Variants in LCMT1 observed in about 807,000 individuals in gnomAD.
LCMT1 encodes the protein leucine carboxyl methyltransferase 1.
In LCMT1, 32 loss-of-function variants were observed where a neutral mutation model predicts 47.7. The ratio of observed to expected loss-of-function variants is 0.67; its 90% CI spans 0.51 to 0.90. The LOEUF is 0.90. LCMT1 is among the 40% of genes least tolerant of loss of function. The pLI is 0.00. For synonymous variants in LCMT1, 152 were observed against 149.7 expected, an observed-to-expected ratio of 1.02 and a Z score of -0.11; for missense variants, 375 against 415.2, an observed-to-expected ratio of 0.90 and a Z score of 0.84.
chr16:25,170,304 C>T (rs1961717412), intron 8 of LCMT1, among the ~76,000 whole-genome samples: 1 of 152,122 alleles, frequency 6.6e-6, no homozygotes, highest in South Asian at 2.1e-4. Flanking sequence ...AACTGTCACT[C>T]ATAGAAAAGT....
chr16:25,152,082 A>G (rs1471070454), intron 5 of LCMT1, among the ~76,000 whole-genome samples: 1 of 152,168 alleles, frequency 6.6e-6, no homozygotes, highest in Admixed American at 6.5e-5. Context: ...GCCCTCTGAC[A>G]TCAAAAGGTG....
At chr16:25,114,830 C>T (rs1370134238) in intron 1 of LCMT1, among the ~76,000 whole-genome samples, 2 of 152,208 alleles carry the variant, frequency 1.3e-5, no homozygotes, top group African/African-American at 2.4e-5. Flanking sequence ...GTGTGTCTCC[C>T]GCGTCTCATT....
chr16:25,174,133 A>G (rs1961857188), intron 9 of LCMT1, among the ~76,000 whole-genome samples: 1 of 152,124 alleles, frequency 6.6e-6, no homozygotes, highest in Admixed American at 6.6e-5. Flanking sequence ...GCTGGTCTCG[A>G]ACTCCTGACC....
intron 3 of LCMT1, among the ~76,000 whole-genome samples, chr16:25,133,401 T>G (rs1960411261): frequency 1.5e-5 from 2 of 130,512 alleles, no homozygotes; most frequent in Non-Finnish European, 3.3e-5. Context: ...TTTTTTTTTT[T>G]TTTTTTTTTT....
At chr16:25,163,097 A>G (rs1424527087) in intron 6 of LCMT1, among the ~76,000 whole-genome samples, 1 of 152,228 alleles carries the variant, frequency 6.6e-6, no homozygotes, top group Non-Finnish European at 1.5e-5. Context: ...CGTGAGCCCA[A>G]GCGATCTAAC....
intron 8 of LCMT1, 55 bp downstream of exon 8, chr16:25,169,268 T>A: frequency 8.6e-7 from 1 of 1,165,248 alleles, no homozygotes; most frequent in Non-Finnish European, 1.3e-6. Context: ...CCAAGATATA[T>A]AAAGGTCTTT....
chr16:25,152,182 C>T (rs576961511), intron 5 of LCMT1, among the ~76,000 whole-genome samples: 37 of 152,220 alleles, frequency 2.4e-4, no homozygotes, highest in African/African-American at 8.9e-4. Flanking sequence ...TGCTGGTTGA[C>T]CATTTCAAAG....
intron 3 of LCMT1, among the ~76,000 whole-genome samples, chr16:25,134,619 C>CA (rs1454594376): frequency 6.6e-6 from 1 of 152,142 alleles, no homozygotes; most frequent in East Asian, 1.9e-4. Context: ...ATTTTTGAGA[C>CA]AGAGTCTTAC....
Position 25,128,495 on chromosome 16 carries a change from A to G in LCMT1, c.134A>G (p.Tyr45Cys), listed in dbSNP as rs1241808781. The G allele has an allele frequency of 6.2e-7, 1 of 1,610,206 alleles. No homozygotes were observed. Residue 45 changes from tyrosine to cysteine, a missense_variant, in exon 2 of 11, where the codon TAC (tyrosine) becomes TGC (cysteine). By Grantham distance (194) the Tyr-to-Cys change is radical. Transcript: ENST00000399069. ...TCCAGGTTTGCAGTAAGCATTGGCT[A>G]CTGGCATGACCCTTACATACAGCAC... ...LCKRFAVSIG[Y>C]WHDPYIQHFV...
intron 1 of LCMT1, among the ~76,000 whole-genome samples, chr16:25,117,008 T>G (rs1235371807): frequency 6.6e-6 from 1 of 151,030 alleles, no homozygotes; most frequent in Non-Finnish European, 1.5e-5. Flanking sequence ...TGACAGAGAG[T>G]AGGGAGTGGG....
Position 25,174,930 on chromosome 16 carries a change from T to G in LCMT1, c.885-7T>G, listed in dbSNP as rs1043873888. ...CTTGCATCGTTCTATTTTAATTCTT[T>G]CCACAGGATAGAATCACTTGAATTC... is the stretch of plus-strand genomic sequence containing the variant. On this transcript the variant is annotated splice_region_variant and splice_polypyrimidine_tract_variant and intron_variant, in intron 9 of 10. Coordinates refer to ENST00000399069, the MANE Select transcript of LCMT1 (RefSeq NM_016309.3). 1.3e-5 allele frequency: 20 copies of G among 1,525,264 alleles called. No individual in the cohort carries two copies. Among genetic ancestry groups the G allele is most frequent in the Non-Finnish European group, 1.7e-5 (19 of 1,109,804 alleles). The allele number at this position is 1,525,264 out of a possible 1,614,324, so 94.5% of individuals were successfully genotyped here.
chr16:25,123,586 C>T (rs12600303), intron 1 of LCMT1, among the ~76,000 whole-genome samples: 36,164 of 145,196 alleles, frequency 0.25, 4,710 homozygotes, highest in East Asian at 0.34. Context: ...CTTGACTTCC[C>T]GTTAAATTGC....
chr16:25,174,725 G>A (rs1031291529), intron 9 of LCMT1: 4 of 323,366 alleles, frequency 1.2e-5, no homozygotes, highest in Non-Finnish European at 2.2e-5. Flanking sequence ...TATGTTTCTA[G>A]TTTGGCATTT....
intron 5 of LCMT1, among the ~76,000 whole-genome samples, chr16:25,151,900 A>G (rs1341503421): frequency 1.3e-5 from 2 of 151,246 alleles, no homozygotes; most frequent in Non-Finnish European, 2.9e-5. Flanking sequence ...AAGGAGGAGG[A>G]ATTTATGCTC....
At chr16:25,124,784 G>A (rs559819960) in intron 1 of LCMT1, among the ~76,000 whole-genome samples, 5 of 152,334 alleles carry the variant, frequency 3.3e-5, no homozygotes, top group Non-Finnish European at 7.3e-5. Context: ...GCATTAGGTG[G>A]TTGGACCAGA....
chr16:25,177,908 G>A, intron 10 of LCMT1, 93 bp from the exon 11 acceptor site: 1 of 1,048,680 alleles, frequency 9.5e-7, no homozygotes, highest in South Asian at 1.3e-5. Flanking sequence ...CAGTGTGGCT[G>A]GTGCCCCTGA....
At chr16:25,114,613 CCTCA>C (rs1959730450) in intron 1 of LCMT1, among the ~76,000 whole-genome samples, 1 of 152,108 alleles carries the variant, frequency 6.6e-6, no homozygotes, top group African/African-American at 2.4e-5. Context: ...CCCACCAACC[CCTCA>C]CTATGTCCTC....
At position 25,178,123 on chromosome 16, in the gene LCMT1, C is replaced by A; in HGVS notation, c.*100C>A. 1 of 1,055,100 alleles carries A rather than the reference C, an allele frequency of 9.5e-7. No individual in the cohort carries two copies. Among genetic ancestry groups the A allele is most frequent in the Non-Finnish European group, 1.5e-6 (1 of 685,240 alleles). 65.4% of individuals were successfully genotyped at this position (1,055,100 alleles called of 1,614,324 possible). On this transcript the variant is annotated 3_prime_UTR_variant, in exon 11 of 11. Coordinates refer to ENST00000399069, the MANE Select transcript of LCMT1 (RefSeq NM_016309.3). ...CGGTGGGCGGGCCTCGTCCGCAGGT[C>A]TCATCCCACACTCTTGAGAAGCCTT...
chr16:25,176,346 G>A (rs185381374), intron 10 of LCMT1, among the ~76,000 whole-genome samples: 40 of 151,922 alleles, frequency 2.6e-4, no homozygotes, highest in African/African-American at 8.4e-4. Flanking sequence ...CACATGACAT[G>A]TGGTCACAAG....
Sources: allele counts gnomAD v4.1 joint callset (sites outside exome capture counted in the v4.1 genomes callset), GRCh38; gene constraint gnomAD v4.1.1; transcripts MANE v1.5; gene names NCBI Gene and HGNC (gene_info 2026-07-23, HGNC 2026-07-21).